ARL1: variants seen among roughly 807,000 people sequenced by gnomAD.
ARL1 encodes ADP-ribosylation factor-like protein 1.
In ARL1, 17 loss-of-function variants were observed where a neutral mutation model predicts 30.1. The ratio of observed to expected loss-of-function variants is 0.56; its 90% CI spans 0.39 to 0.85. The LOEUF (loss-of-function observed/expected upper bound fraction) is 0.85, where lower values mean the gene tolerates loss of function less well. Among genes scored for constraint, ARL1 ranks in the 40% least tolerant of loss-of-function variants. ARL1 has a pLI of 0.00. For missense variants in ARL1, 102 were observed against 212.6 expected, an observed-to-expected ratio of 0.48 and a Z score of 3.24; for synonymous variants, 58 against 71.7, an observed-to-expected ratio of 0.81 and a Z score of 0.97.
intron 4 of ARL1, among the ~76,000 whole-genome samples, chr12:101,400,643 C>T (rs984977116): frequency 4.6e-5 from 7 of 152,158 alleles, no homozygotes; most frequent in African/African-American, 1.7e-4. Flanking sequence ...GTCAAAAGCA[C>T]TGTAAACACT....
In ARL1 at chr12:101,407,766, G is replaced by A. The variant is rs1213919852; in HGVS notation, c.-121C>T. 3 of 1,463,302 alleles carry A rather than the reference G, an allele frequency of 2.1e-6. No individual in the cohort carries two copies. Among genetic ancestry groups the A allele is most frequent in the Non-Finnish European group, 2.8e-6 (3 of 1,054,748 alleles). The allele number at this position is 1,463,302 out of a possible 1,614,324, so 90.6% of individuals were successfully genotyped here. A position where few individuals can be genotyped will look rare whatever the true frequency, so the allele number is the denominator to read the frequency against. On this transcript the variant is annotated 5_prime_UTR_variant, in exon 1 of 6. Coordinates refer to ENST00000261636, the MANE Select transcript of ARL1 (RefSeq NM_001177.6). ...AACTTCCACGTCGGACTCCAGGCGG[G>A]GGCGGGAGCGAGGGTCAGCTGCGAC...
At chr12:101,407,232 C>T (rs371817636) in intron 1 of ARL1, 138 of 229,070 alleles carry the variant, frequency 6.0e-4, no homozygotes, top group Middle Eastern at 2.7e-3. Flanking sequence ...ATTAAGCTTC[C>T]ACTCTGGGGC....
At chr12:101,407,355 T>C (rs890518038) in intron 1 of ARL1, 10 of 389,212 alleles carry the variant, frequency 2.6e-5, no homozygotes, top group Non-Finnish European at 4.5e-5. Flanking sequence ...GAAAACTTCA[T>C]GATAAGGGTA....
chr12:101,397,679 T>C (rs1486375404), intron 4 of ARL1, among the ~76,000 whole-genome samples: 1 of 152,022 alleles, frequency 6.6e-6, no homozygotes, highest in African/African-American at 2.4e-5. Context: ...TTTGTATTTT[T>C]AGTAGAGATG....
intron 1 of ARL1, 142 bp downstream of exon 1, chr12:101,407,500 A>C (rs1871479203): frequency 4.6e-6 from 5 of 1,089,514 alleles, no homozygotes; most frequent in Non-Finnish European, 4.0e-6. Flanking sequence ...GAAGATCCAA[A>C]GTGAGTCAAG....
In ARL1 at chr12:101,407,762, G is replaced by A. The variant is rs1871491173; in HGVS notation, c.-117C>T. 1 of 1,482,494 alleles carries A rather than the reference G, an allele frequency of 6.7e-7. No homozygotes were observed. The highest frequency in any genetic ancestry group is 9.3e-7 in the Non-Finnish European group (1 of 1,071,222). The allele number at this position is 1,482,494 out of a possible 1,614,324, so 91.8% of individuals were successfully genotyped here. The stretch of plus-strand genomic sequence containing the variant: ...CAGCAACTTCCACGTCGGACTCCAG[G>A]CGGGGGCGGGAGCGAGGGTCAGCTG... On this transcript the variant is annotated 5_prime_UTR_variant, in exon 1 of 6. Transcript: ENST00000261636.
chr12:101,405,391 C>T (rs1871411999), intron 2 of ARL1, among the ~76,000 whole-genome samples: 1 of 152,128 alleles, frequency 6.6e-6, no homozygotes, highest in South Asian at 2.1e-4. Context: ...TTATTTCCCC[C>T]TGAAAACCAG....
chr12:101,405,068 T>C (rs559112217), intron 2 of ARL1, among the ~76,000 whole-genome samples: 1 of 152,140 alleles, frequency 6.6e-6, no homozygotes, highest in South Asian at 2.1e-4. Flanking sequence ...ATGGGGTTTC[T>C]CCATGTTGGT....
In ARL1 at chr12:101,397,934, G is replaced by A. The variant is rs1593464564; in HGVS notation, c.337-1357C>T. ...ATCCTTAGTCATTGGCTTCTGGTTAGGCCTGGTTTCTTATCTTAATCTTGT... is the reference window on the plus strand; with the variant it reads ...ATCCTTAGTCATTGGCTTCTGGTTAAGCCTGGTTTCTTATCTTAATCTTGT... On this transcript the variant is annotated intron_variant, in intron 4 of 5. Coordinates refer to ENST00000261636, the MANE Select transcript of ARL1 (RefSeq NM_001177.6). Among the ~76,000 whole-genome samples the A allele has an allele frequency of 2.0e-5, 3 of 152,190 alleles. No individual in the cohort carries two copies. The South Asian group carries it at 6.2e-4, about 32-fold the overall frequency.
intron 2 of ARL1, 56 bp from the exon 3 acceptor site, chr12:101,403,002 ATATCC>A: frequency 8.6e-7 from 1 of 1,169,000 alleles, no homozygotes; most frequent in Non-Finnish European, 1.2e-6. Context: ...CACCTTCAAA[ATATCC>A]TATCTAATTG....
chr12:101,397,369 A>C (rs1281258967), intron 4 of ARL1, among the ~76,000 whole-genome samples: 1 of 152,136 alleles, frequency 6.6e-6, no homozygotes, highest in Non-Finnish European at 1.5e-5. Context: ...TGAGCAACAC[A>C]GGGGTCTCTA....
At chr12:101,401,231 A>C (rs17500203) in intron 3 of ARL1, 58 bp from the exon 4 acceptor site, 250,022 of 1,175,592 alleles carry the variant, frequency 0.21, 29,518 homozygotes, top group Non-Finnish European at 0.25. Context: ...AGAAACTGAC[A>C]TATCAATTGC....
intron 4 of ARL1, among the ~76,000 whole-genome samples, chr12:101,397,648 C>T (rs141645045): frequency 0.011 from 1,682 of 151,980 alleles, 29 homozygotes; most frequent in African/African-American, 0.039. Context: ...TACAGGTGCC[C>T]GCTGCCACGC....
At chr12:101,402,094 C>T (rs1871320535) in intron 3 of ARL1, among the ~76,000 whole-genome samples, 2 of 152,226 alleles carry the variant, frequency 1.3e-5, no homozygotes, top group Non-Finnish European at 2.9e-5. Flanking sequence ...TGACCAACTA[C>T]TGACGGTCAT....
At chr12:101,398,854 CTTCT>C (rs1309890280) in intron 4 of ARL1, among the ~76,000 whole-genome samples, 1 of 152,148 alleles carries the variant, frequency 6.6e-6, no homozygotes, top group Non-Finnish European at 1.5e-5. Context: ...CCAACTTTTA[CTTCT>C]TTCTCTGTAA....
Position 101,395,344 on chromosome 12 carries a change from G to C in ARL1, c.*296C>G, listed in dbSNP as rs1490274396. On this transcript the variant is annotated 3_prime_UTR_variant, in exon 6 of 6. Transcript: ENST00000261636. ...AATAGGTTTTTTTCATCCAATAGGAGTATACTCTTTAATAGAACTGTATTT... is the reference window on the plus strand; with the variant it reads ...AATAGGTTTTTTTCATCCAATAGGACTATACTCTTTAATAGAACTGTATTT... 3.3e-6 allele frequency: 1 copy of C among 305,554 alleles called. No individual in the cohort carries two copies. The allele number at this position is 305,554 out of a possible 1,614,324, so 18.9% of individuals were successfully genotyped here. A position where few individuals can be genotyped will look rare whatever the true frequency, so the allele number is the denominator to read the frequency against.
At chr12:101,404,692 T>C (rs1478893245) in intron 2 of ARL1, among the ~76,000 whole-genome samples, 2 of 152,190 alleles carry the variant, frequency 1.3e-5, no homozygotes, top group Non-Finnish European at 2.9e-5. Flanking sequence ...GAGCAAACTG[T>C]ATGAACTCTT....
In ARL1 at chr12:101,407,771, G is replaced by GGAGCGA; in HGVS notation, c.-127_-126insTCGCTC. 1.4e-6 allele frequency: 2 copies of GGAGCGA among 1,412,648 alleles called. No individual in the cohort carries two copies. The highest frequency in any genetic ancestry group is 2.0e-6 in the Non-Finnish European group (2 of 1,009,442). The allele number at this position is 1,412,648 out of a possible 1,614,324, so 87.5% of individuals were successfully genotyped here. A position where few individuals can be genotyped will look rare whatever the true frequency, so the allele number is the denominator to read the frequency against. On this transcript the variant is annotated 5_prime_UTR_variant, in exon 1 of 6. Coordinates refer to ENST00000261636, the MANE Select transcript of ARL1 (RefSeq NM_001177.6). ...CCACGTCGGACTCCAGGCGGGGGCG[G>GGAGCGA]GAGCGAGGGTCAGCTGCGACTGCGC...
rs763553790 is a variant in ARL1 at position 101,407,635 on chromosome 12, C to T, written c.4+7G>A. ...GCGCGCCCAGGTGCCCTTCTCGAAC[C>T]CCTCACCCATGATGAACCCCCTGTC... On this transcript the variant is annotated splice_region_variant and intron_variant, in intron 1 of 5. Coordinates refer to ENST00000261636, the MANE Select transcript of ARL1 (RefSeq NM_001177.6). The T allele has an allele frequency of 6.8e-6, 11 of 1,611,400 alleles. No homozygotes were observed. Among genetic ancestry groups the T allele is most frequent in the Middle Eastern group, 3.3e-4 (2 of 6,062 alleles).
Sources: gnomAD v4.1 joint callset for allele counts (sites outside exome capture counted in the v4.1 genomes callset) on GRCh38, gnomAD v4.1.1 for gene constraint, MANE v1.5 for transcripts, NCBI Gene and HGNC (gene_info 2026-07-23, HGNC 2026-07-21) for gene names.